Variants in TBC1D22A observed in about 807,000 individuals in gnomAD.
The protein encoded by TBC1D22A is TBC1 domain family member 22A, also known as putative GTPase activator.
A neutral mutation model predicts 60.2 loss-of-function variants in TBC1D22A; 38 were observed. The observed-to-expected ratio is 0.63, with a 90% CI of 0.49 to 0.83. TBC1D22A has a LOEUF of 0.83. TBC1D22A is among the 40% of genes least tolerant of loss of function. The probability of loss-of-function intolerance (pLI) is 0.00; values close to 1 mark genes in which losing one functional copy is unlikely to be tolerated. For synonymous variants in TBC1D22A, 302 were observed against 281.7 expected (o/e 1.07, Z -0.72); for missense variants, 628 against 701.0 (o/e 0.90, Z 1.18).
chr22:47,114,113 A>G (rs1034253758), intron 12 of TBC1D22A, among the ~76,000 whole-genome samples: 24 of 152,180 alleles, frequency 1.6e-4, no homozygotes, highest in African/African-American at 5.1e-4. Context: ...GGCCGGAGAC[A>G]TTGCTCTGCT....
intron 9 of TBC1D22A, among the ~76,000 whole-genome samples, chr22:46,982,454 C>T (rs979641791): frequency 2.0e-5 from 3 of 150,722 alleles, no homozygotes; most frequent in African/African-American, 7.3e-5. Context: ...GATCTCCTGG[C>T]CTCATGATCC....
intron 11 of TBC1D22A, among the ~76,000 whole-genome samples, chr22:47,089,363 T>C (rs2064826619): frequency 6.6e-6 from 1 of 152,242 alleles, no homozygotes; most frequent in Non-Finnish European, 1.5e-5. Flanking sequence ...CGGTAATAAA[T>C]GAAATGGCAT....
At chr22:46,902,684 G>C (rs1401785216) in intron 7 of TBC1D22A, among the ~76,000 whole-genome samples, 2 of 152,240 alleles carry the variant, frequency 1.3e-5, no homozygotes, top group African/African-American at 4.8e-5. Context: ...CGTTCAAGTG[G>C]GCACGTTGTT....
intron 12 of TBC1D22A, among the ~76,000 whole-genome samples, chr22:47,127,358 G>T (rs2066497800): frequency 6.7e-6 from 1 of 150,106 alleles, no homozygotes; most frequent in African/African-American, 2.5e-5. Context: ...CCCACGAGTA[G>T]CTGGGATTAC....
intron 12 of TBC1D22A, among the ~76,000 whole-genome samples, chr22:47,115,514 AAGG>A (rs1248944346): frequency 6.6e-6 from 1 of 152,102 alleles, no homozygotes; most frequent in Non-Finnish European, 1.5e-5. Flanking sequence ...TTGGGGGTGA[AAGG>A]AGCATGCTTG....
intron 12 of TBC1D22A, among the ~76,000 whole-genome samples, chr22:47,149,299 C>T (rs940463152): frequency 2.0e-5 from 3 of 152,338 alleles, no homozygotes; most frequent in East Asian, 1.9e-4. Context: ...ACATCTGCTC[C>T]GTGGCATCCT....
intron 12 of TBC1D22A, among the ~76,000 whole-genome samples, chr22:47,147,684 G>A (rs2067336918): frequency 6.6e-6 from 1 of 152,274 alleles, no homozygotes; most frequent in Non-Finnish European, 1.5e-5. Context: ...GTGGGACAGG[G>A]CCGGGCTGGG....
At chr22:46,947,772 C>G (rs930220537) in intron 8 of TBC1D22A, among the ~76,000 whole-genome samples, 1 of 152,080 alleles carries the variant, frequency 6.6e-6, no homozygotes, top group African/African-American at 2.4e-5. Context: ...GCCCAAGGAA[C>G]CTGGCCAGAG....
At chr22:47,048,770 G>A (rs1455244706) in intron 11 of TBC1D22A, among the ~76,000 whole-genome samples, 1 of 152,186 alleles carries the variant, frequency 6.6e-6, no homozygotes. Context: ...CCAGCTCTGG[G>A]GGGAGGTGGG....
chr22:47,062,626 G>T (rs2063618602), intron 11 of TBC1D22A, among the ~76,000 whole-genome samples: 1 of 152,194 alleles, frequency 6.6e-6, no homozygotes, highest in Non-Finnish European at 1.5e-5. Context: ...AGCCATAGGT[G>T]CAGCTTCGTG....
intron 9 of TBC1D22A, among the ~76,000 whole-genome samples, chr22:46,995,006 C>G (rs1020872791): frequency 6.6e-6 from 1 of 152,262 alleles, no homozygotes; most frequent in Non-Finnish European, 1.5e-5. Flanking sequence ...GCGGCTCCCT[C>G]TCAGCCGGAC....
chr22:47,011,060 C>G (rs914633857), intron 10 of TBC1D22A, among the ~76,000 whole-genome samples: 1 of 152,188 alleles, frequency 6.6e-6, no homozygotes, highest in African/African-American at 2.4e-5. Context: ...GCCCCATCAA[C>G]TGCATAAATG....
chr22:46,983,478 C>T (rs888113798), intron 9 of TBC1D22A, among the ~76,000 whole-genome samples: 1 of 152,136 alleles, frequency 6.6e-6, no homozygotes, highest in Non-Finnish European at 1.5e-5. Context: ...CACTTTCTTT[C>T]CTGATTGGGC....
rs372858910 is a variant in TBC1D22A, at chr22:47,010,821, G to GAAC, written c.1201+13130_1201+13132dup. 3.4e-3 allele frequency among the ~76,000 whole-genome samples: 497 copies of GAAC among 148,250 alleles called. 2 individuals carry two copies. Among genetic ancestry groups the GAAC allele is most frequent in the African/African-American group, 0.012 (476 of 39,542 alleles). The stretch of plus-strand genomic sequence containing the variant: ...ATTTTTGGGAAGAGGGATGCATATA[G>GAAC]AACAACAACAACAACAACAAATCAA... On this transcript the variant is annotated intron_variant, in intron 10 of 12. Transcript: ENST00000337137.
intron 10 of TBC1D22A, among the ~76,000 whole-genome samples, chr22:47,005,643 C>G (rs1602954008): frequency 6.6e-6 from 1 of 151,158 alleles, no homozygotes; most frequent in South Asian, 2.1e-4. Context: ...CCTGTACACA[C>G]ACACACACAC....
intron 12 of TBC1D22A, among the ~76,000 whole-genome samples, chr22:47,170,032 A>C (rs2068370769): frequency 2.0e-5 from 3 of 152,294 alleles, no homozygotes; most frequent in Admixed American, 1.3e-4. Flanking sequence ...TTGGCTAATA[A>C]ATGTGCCGCG....
intron 12 of TBC1D22A, among the ~76,000 whole-genome samples, chr22:47,166,709 C>T (rs1043748543): frequency 6.6e-6 from 1 of 152,254 alleles, no homozygotes; most frequent in African/African-American, 2.4e-5. Context: ...GTCCTCAGTG[C>T]CTGGAGTGGG....
chr22:46,911,761 A>T (rs2069942780), intron 7 of TBC1D22A, among the ~76,000 whole-genome samples: 1 of 152,074 alleles, frequency 6.6e-6, no homozygotes, highest in Non-Finnish European at 1.5e-5. Flanking sequence ...GTACCAAAAA[A>T]TACAAAAATT....
intron 12 of TBC1D22A, among the ~76,000 whole-genome samples, chr22:47,155,138 C>T (rs901065241): frequency 4.0e-5 from 6 of 151,816 alleles, no homozygotes; most frequent in African/African-American, 4.8e-5. Context: ...GGAAGGGCAG[C>T]GTGATGGGGA....
Sources: gnomAD v4.1 joint callset for allele counts (sites outside exome capture counted in the v4.1 genomes callset) on GRCh38, gnomAD v4.1.1 for gene constraint, MANE v1.5 for transcripts, NCBI Gene and HGNC (gene_info 2026-07-23, HGNC 2026-07-21) for gene names.